Variants in LRP1B observed in about 807,000 individuals in gnomAD.
LRP1B encodes LDL receptor related protein 1B, also known as low-density lipoprotein receptor-related protein 1B.
A neutral mutation model predicts 556.6 loss-of-function variants in LRP1B; 217 were observed. The observed-to-expected ratio is 0.39, with a 90% CI of 0.35 to 0.44. The LOEUF is 0.44. Ranked by LOEUF, LRP1B falls within the 20% of genes least tolerant of loss-of-function variation. The pLI, the probability that LRP1B is intolerant of heterozygous loss-of-function variation, is 1.00. For missense variants in LRP1B, 5,053 were observed against 5,620.8 expected (o/e 0.90, Z 3.23); for synonymous variants, 2,047 against 1,865.8 (o/e 1.10, Z -2.50).
chr2:140,578,222 T>C (rs1681611359), intron 43 of LRP1B, among the ~76,000 whole-genome samples: 1 of 151,880 alleles, frequency 6.6e-6, no homozygotes, highest in South Asian at 2.1e-4. Flanking sequence ...CTTTTCTTTT[T>C]TCCAAGGCAG....
intron 2 of LRP1B, among the ~76,000 whole-genome samples, chr2:141,719,823 T>C (rs1459260040): frequency 2.6e-5 from 4 of 152,088 alleles, no homozygotes; most frequent in African/African-American, 7.2e-5. Flanking sequence ...TTTTCACTTA[T>C]GCAAAGAGGG....
chr2:140,549,413 T>C (rs1207196629), intron 43 of LRP1B, among the ~76,000 whole-genome samples: 1 of 152,200 alleles, frequency 6.6e-6, no homozygotes, highest in Non-Finnish European at 1.5e-5. Context: ...ATCAAATGTA[T>C]GCTTTTGTAT....
intron 2 of LRP1B, among the ~76,000 whole-genome samples, chr2:141,795,876 A>ATATG (rs1448185283): frequency 1.4e-5 from 1 of 70,496 alleles, no homozygotes; most frequent in African/African-American, 5.1e-5. Flanking sequence ...ATATATATAT[A>ATATG]TATATATATA....
At chr2:141,663,645 T>G (rs1205743848) in intron 2 of LRP1B, among the ~76,000 whole-genome samples, 1 of 151,970 alleles carries the variant, frequency 6.6e-6, no homozygotes, top group African/African-American at 2.4e-5. Context: ...CAGGAAGAAG[T>G]TGAATCCCTG....
intron 1 of LRP1B, among the ~76,000 whole-genome samples, chr2:141,979,509 A>C (rs1013817148): frequency 7.2e-5 from 11 of 152,042 alleles, no homozygotes; most frequent in Admixed American, 2.0e-4. Flanking sequence ...CATATTAAGA[A>C]TCTTATTTTA....
chr2:140,614,276 C>T (rs116301063), intron 41 of LRP1B, among the ~76,000 whole-genome samples: 3,083 of 152,120 alleles, frequency 0.02, 101 homozygotes, highest in African/African-American at 0.07. Context: ...ATTCCTAATT[C>T]TATATCCTTC....
chr2:140,655,244 C>T (rs535300344), intron 41 of LRP1B, among the ~76,000 whole-genome samples: 9 of 152,168 alleles, frequency 5.9e-5, no homozygotes, highest in African/African-American at 2.2e-4. Context: ...TATTCTCATT[C>T]TTATAAAGTA....
At position 142,130,650 on chromosome 2, in the gene LRP1B, C is replaced by G; in HGVS notation, c.80G>C (p.Arg27Pro). The G allele has an allele frequency of 6.2e-7, 1 of 1,610,666 alleles. No individual in the cohort carries two copies. The change falls in exon 1 of 91, where the codon CGA (arginine) becomes CCA (proline). Residue 27 changes from arginine to proline, a missense_variant and splice_region_variant. This residue lies in a region of LRP1B where 3,619 missense variants were observed against 3,931.9 expected (regional missense o/e 0.92). Transcript: ENST00000389484. ...IARVLTVGADRDQQLCDPGEF... is the reference protein window; with the variant it reads ...IARVLTVGADPDQQLCDPGEF... ...GAGCGGGGAGGTGTTCTCCTTACCTCGGTCGGCTCCCACGGTCAGCACCCT... is the reference window on the plus strand; with the variant it reads ...GAGCGGGGAGGTGTTCTCCTTACCTGGGTCGGCTCCCACGGTCAGCACCCT...
At chr2:140,471,310 T>C (rs961822691) in intron 60 of LRP1B, among the ~76,000 whole-genome samples, 1 of 152,092 alleles carries the variant, frequency 6.6e-6, no homozygotes, top group Non-Finnish European at 1.5e-5. Flanking sequence ...AAATACGTCT[T>C]TAGAATAGCA....
chr2:141,524,499 G>A (rs924815198), intron 2 of LRP1B, among the ~76,000 whole-genome samples: 3 of 152,046 alleles, frequency 2.0e-5, no homozygotes, highest in Non-Finnish European at 4.4e-5. Flanking sequence ...TGCGGCCCAG[G>A]ACAGCTCTTG....
At chr2:140,592,795 C>G (rs1186618664) in intron 43 of LRP1B, among the ~76,000 whole-genome samples, 3 of 151,982 alleles carry the variant, frequency 2.0e-5, no homozygotes, top group Non-Finnish European at 2.9e-5. Context: ...AAAAAATTAG[C>G]CAAGTATGGT....
intron 7 of LRP1B, among the ~76,000 whole-genome samples, chr2:141,142,521 T>A (rs779006220): frequency 8.5e-5 from 13 of 152,190 alleles, no homozygotes; most frequent in Admixed American, 2.0e-4. Flanking sequence ...GGTATCTGCC[T>A]ATGATGTTGT....
chr2:140,509,891 G>A (rs1689579677), intron 52 of LRP1B, 37 bp downstream of exon 52: 2 of 1,591,528 alleles, frequency 1.3e-6, no homozygotes, highest in East Asian at 4.5e-5. Context: ...TGCTGCAACA[G>A]TTTTCTTTGA....
chr2:140,929,262 AAG>A (rs1368549794), intron 20 of LRP1B, among the ~76,000 whole-genome samples: 1 of 152,116 alleles, frequency 6.6e-6, no homozygotes, highest in African/African-American at 2.4e-5. Flanking sequence ...ATGCTCTGAT[AAG>A]AGAGAATGCC....
intron 51 of LRP1B, among the ~76,000 whole-genome samples, chr2:140,512,211 A>T (rs1422833185): frequency 1.3e-5 from 2 of 152,178 alleles, no homozygotes; most frequent in Non-Finnish European, 2.9e-5. Context: ...GGGTATGACT[A>T]GATCATTACT....
chr2:140,832,067 G>C (rs1217750170), intron 31 of LRP1B, among the ~76,000 whole-genome samples: 2 of 152,180 alleles, frequency 1.3e-5, no homozygotes, highest in African/African-American at 2.4e-5. Flanking sequence ...TATGTTGTTG[G>C]TGGGAAAGTA....
chr2:140,452,222 A>C (rs1444830657), intron 62 of LRP1B, among the ~76,000 whole-genome samples: 1 of 152,122 alleles, frequency 6.6e-6, no homozygotes, highest in Non-Finnish European at 1.5e-5. Context: ...CCCAAATATA[A>C]ACAGTGACCA....
intron 7 of LRP1B, among the ~76,000 whole-genome samples, chr2:141,095,645 T>G (rs967493842): frequency 1.3e-5 from 2 of 152,060 alleles, no homozygotes; most frequent in Admixed American, 6.6e-5. Flanking sequence ...TTATTATTAT[T>G]TTTTTATATA....
At chr2:141,526,721 T>G (rs34509929) in intron 2 of LRP1B, among the ~76,000 whole-genome samples, 56,119 of 151,754 alleles carry the variant, frequency 0.37, 11,231 homozygotes, top group Non-Finnish European at 0.45. Context: ...AGAGTAGGTG[T>G]CTGGTAAAAG....
Sources: gnomAD v4.1 joint callset for allele counts (sites outside exome capture counted in the v4.1 genomes callset) on GRCh38, gnomAD v4.1.1 for gene constraint, gnomAD v4.1.1 regional missense constraint, MANE v1.5 for transcripts, NCBI Gene and HGNC (gene_info 2026-07-23, HGNC 2026-07-21) for gene names.